RGS5: variants seen among roughly 807,000 people sequenced by gnomAD.
The protein encoded by RGS5 is regulator of G-protein signalling 5.
RGS5 carries 20 observed loss-of-function variants against 18.9 expected under a neutral mutation model. The observed-to-expected ratio is 1.06, with a 90% CI of 0.74 to 1.54. The LOEUF is 1.54. Ranked by LOEUF, RGS5 falls within the 40% of genes most tolerant of loss-of-function variation. The probability of loss-of-function intolerance (pLI) is 0.00; values close to 1 mark genes in which losing one functional copy is unlikely to be tolerated. For synonymous variants in RGS5, 57 were observed against 76.2 expected (o/e 0.75, Z 1.31); for missense variants, 201 against 211.8 (o/e 0.95, Z 0.32).
intron 1 of RGS5, chr1:163,211,118 G>C (rs751923035): frequency 6.6e-6 from 1 of 152,204 alleles, no homozygotes; most frequent in Non-Finnish European, 1.5e-5. Flanking sequence ...AGATCATGAT[G>C]TCAGAGAAGT....
At chr1:163,280,455 A>G (rs917965263) in intron 2 of RGS5, among the ~76,000 whole-genome samples, 2 of 152,202 alleles carry the variant, frequency 1.3e-5, no homozygotes, top group Non-Finnish European at 2.9e-5. Context: ...ATAAAATTCA[A>G]TAACTTTTCA....
intron 2 of RGS5, among the ~76,000 whole-genome samples, chr1:163,259,064 G>C (rs1648353943): frequency 6.6e-6 from 1 of 152,090 alleles, no homozygotes; most frequent in Non-Finnish European, 1.5e-5. Flanking sequence ...TGACGATGAT[G>C]CTAGTTTATT....
Position 163,254,477 on chromosome 1 carries a change from C to T in RGS5, c.-281+51756G>A, listed in dbSNP as rs1276023221. On this transcript the variant is annotated intron_variant, in intron 2 of 5. Transcript: ENST00000618415. ...TTGAGAAGTGTCTGTTTATGTCCTT[C>T]GCCCACTTTTTGATGGGGTTGTTTT... 6.7e-5 allele frequency among the ~76,000 whole-genome samples: 10 copies of T among 148,654 alleles called. No homozygotes were observed. The South Asian group carries it at 8.5e-4, about 13-fold the overall frequency.
chr1:163,293,588 T>C (rs1486240717), intron 2 of RGS5, among the ~76,000 whole-genome samples: 2 of 152,174 alleles, frequency 1.3e-5, no homozygotes, highest in Non-Finnish European at 1.5e-5. Flanking sequence ...ATTCTGCCCC[T>C]GGCCCCTCCC....
intron 2 of RGS5, among the ~76,000 whole-genome samples, chr1:163,267,883 C>T (rs1428345642): frequency 6.6e-6 from 1 of 152,024 alleles, no homozygotes; most frequent in Non-Finnish European, 1.5e-5. Context: ...CACAGATGTG[C>T]TTGTAACCAT....
chr1:163,235,001 C>G (rs964445154), intron 2 of RGS5, among the ~76,000 whole-genome samples: 1 of 152,194 alleles, frequency 6.6e-6, no homozygotes, highest in African/African-American at 2.4e-5. Context: ...ACTTCTGCCA[C>G]ATTTTGTTGA....
intron 4 of RGS5, among the ~76,000 whole-genome samples, chr1:163,151,483 C>T (rs966441148): frequency 1.3e-5 from 2 of 152,180 alleles, no homozygotes; most frequent in Non-Finnish European, 2.9e-5. Context: ...GGCTCTGTGT[C>T]CCCACCCAAA....
chr1:163,287,782 A>G (rs1287989464), intron 2 of RGS5, among the ~76,000 whole-genome samples: 1 of 152,218 alleles, frequency 6.6e-6, no homozygotes, highest in African/African-American at 2.4e-5. Context: ...ATATTTGGGC[A>G]GCCACTTTGC....
chr1:163,268,115 G>GA (rs1009731424), intron 2 of RGS5, among the ~76,000 whole-genome samples: 2 of 151,494 alleles, frequency 1.3e-5, no homozygotes, highest in Non-Finnish European at 2.9e-5. Flanking sequence ...TCCTAATAAG[G>GA]AAAAAAATGT....
chr1:163,300,659 G>T (rs1294165314), intron 2 of RGS5: 1 of 152,220 alleles, frequency 6.6e-6, no homozygotes, highest in Non-Finnish European at 1.5e-5. Context: ...GGGAGATTCT[G>T]CTTGGCGAAG....
At chr1:163,223,000 A>G (rs758774886) in intron 2 of RGS5, among the ~76,000 whole-genome samples, 7 of 151,932 alleles carry the variant, frequency 4.6e-5, no homozygotes, top group Admixed American at 2.0e-4. Flanking sequence ...GTGCACCACC[A>G]CATTTGGCTA....
chr1:163,204,042 A>G (rs943523541), upstream of RGS5, among the ~76,000 whole-genome samples: 16 of 152,178 alleles, frequency 1.1e-4, 1 homozygote, highest in Admixed American at 9.2e-4. Context: ...GTTGTTTTAA[A>G]TGACTCCCTC....
intron 2 of RGS5, among the ~76,000 whole-genome samples, chr1:163,292,951 C>T (rs1221774192): frequency 6.6e-6 from 1 of 152,164 alleles, no homozygotes. Context: ...CAAAAATTTT[C>T]TCCTATTCTG....
At position 163,251,155 on chromosome 1, in the gene RGS5, C is replaced by T. The variant is rs114117501; in HGVS notation, c.-281+55078G>A. 2.2e-3 allele frequency among the ~76,000 whole-genome samples: 336 copies of T among 152,164 alleles called. 1 individual carries two copies. Among genetic ancestry groups the T allele is most frequent in the African/African-American group, 7.8e-3 (326 of 41,530 alleles). On this transcript the variant is annotated intron_variant, in intron 2 of 5. Transcript: ENST00000618415. ...TTATGTAAGACAATGCAAACCTATA[C>T]GAGATGAACTCGATCCTCTGTCATG...
intron 3 of RGS5, among the ~76,000 whole-genome samples, chr1:163,153,796 AAT>A (rs1367853804): frequency 2.7e-5 from 4 of 148,020 alleles, no homozygotes; most frequent in African/African-American, 7.3e-5. Context: ...CTTAATGCTG[AAT>A]ATATATGTAT....
chr1:163,237,161 A>T (rs925108411), intron 2 of RGS5: 5 of 152,512 alleles, frequency 3.3e-5, no homozygotes, highest in Admixed American at 2.0e-4. Flanking sequence ...AGGGAATGAA[A>T]CATGGATGCG....
intron 2 of RGS5, chr1:163,304,772 C>T (rs1649651088): frequency 6.6e-6 from 1 of 152,162 alleles, no homozygotes; most frequent in Non-Finnish European, 1.5e-5. Flanking sequence ...GTTTAATAGT[C>T]AATACAATGA....
intron 1 of RGS5, among the ~76,000 whole-genome samples, chr1:163,191,418 C>T (rs1465650121): frequency 2.0e-5 from 3 of 152,094 alleles, no homozygotes; most frequent in Non-Finnish European, 4.4e-5. Context: ...ACAGTATAGC[C>T]TGTAATGTCC....
At chr1:163,265,233 T>C (rs1383083736) in intron 2 of RGS5, among the ~76,000 whole-genome samples, 1 of 152,102 alleles carries the variant, frequency 6.6e-6, no homozygotes, top group Admixed American at 6.6e-5. Flanking sequence ...ATCATATCCC[T>C]TAAGTTCATA....
Sources: allele counts gnomAD v4.1 joint callset (sites outside exome capture counted in the v4.1 genomes callset), GRCh38; gene constraint gnomAD v4.1.1; transcripts MANE v1.5; gene names NCBI Gene and HGNC (gene_info 2026-07-23, HGNC 2026-07-21).